Variants in CENATAC observed in about 807,000 individuals in gnomAD.
CENATAC encodes the protein centrosomal AT-AC splicing factor.
Under a neutral mutation model 53.7 loss-of-function variants are expected in CENATAC, and 53 were observed. That is an observed-to-expected ratio of 0.99 (90% CI 0.79 to 1.24). CENATAC has a LOEUF of 1.24. CENATAC is among the 50% of genes most tolerant of loss of function. The pLI is 0.00. For synonymous variants in CENATAC, 156 were observed against 144.6 expected, an observed-to-expected ratio of 1.08 and a Z score of -0.57; for missense variants, 474 against 417.8, an observed-to-expected ratio of 1.13 and a Z score of -1.17.
chr11:119,005,466 CA>C (rs570460310), intron 3 of CENATAC, among the ~76,000 whole-genome samples: 3,957 of 134,402 alleles, frequency 0.029, 158 homozygotes, highest in African/African-American at 0.096. Context: ...GACCCCGTCT[CA>C]AAAAAAAAAA....
rs550148697 is a variant in CENATAC at position 119,002,754 on chromosome 11, T to TA, written c.383+3645_383+3646insA. On this transcript the variant is annotated intron_variant, in intron 3 of 10. Transcript: ENST00000334418. ...GGCATAAGAAGTAAGATTTCTCCCA[T>TA]GCGAAATTTTGTATTCAGAATCCAA... Among the ~76,000 whole-genome samples the TA allele has an allele frequency of 1.6e-3, 248 of 151,484 alleles. 1 individual carries two copies. The highest frequency in any genetic ancestry group is 5.7e-3 in the African/African-American group (234 of 41,312).
chr11:119,002,553 G>T (rs1942359021), intron 3 of CENATAC, among the ~76,000 whole-genome samples: 1 of 151,860 alleles, frequency 6.6e-6, no homozygotes, highest in South Asian at 2.1e-4. Flanking sequence ...GGCCAGGCTG[G>T]TCTTGAACTC....
At chr11:119,013,462 ATTTTT>A (rs34471457) in intron 8 of CENATAC, among the ~76,000 whole-genome samples, 200 bp downstream of exon 8, 2 of 126,642 alleles carry the variant, frequency 1.6e-5, no homozygotes, top group African/African-American at 6.1e-5. Context: ...CACCCAGCTA[ATTTTT>A]TTTTTTTTTT....
chr11:118,998,441 C>T lies in CENATAC; in HGVS notation c.132C>T (p.Ala44=), dbSNP rs34451365. The T allele has an allele frequency of 1.9e-6, 3 of 1,612,104 alleles. No individual in the cohort carries two copies. The highest frequency in any genetic ancestry group is 2.7e-5 in the African/African-American group (2 of 74,932). The part of the protein sequence containing the change: ...LERLLPQVEA[A]RKAIRAAQVE... The stretch of plus-strand genomic sequence containing the variant: ...CCTCTCTGCGGCAGGTGGAGGCGGC[C>T]CGCAAGGCCATCCGCGCCGCTCAGG... The change falls in exon 2 of 11, where the codon GCC becomes GCT. Residue 44 remains alanine (A), a synonymous_variant. Coordinates refer to ENST00000334418, the MANE Select transcript of CENATAC (RefSeq NM_198489.3).
In CENATAC at chr11:119,011,224, G is replaced by A. The variant is rs781932545; in HGVS notation, c.454G>A (p.Ala152Thr). The change falls in exon 5 of 11, where the codon GCA becomes ACA. Residue 152 changes from alanine (A) to threonine (T), a missense_variant. Coordinates refer to ENST00000334418, the MANE Select transcript of CENATAC (RefSeq NM_198489.3). ...CTAAGCAGCCTCTCTCCCACAGATG[G>A]CAGCTCAGATCCGTGAGGTGGAGCA... Reference protein sequence around the residue: ...EKEDKVIKEMAAQIREVEQSR... With the variant: ...EKEDKVIKEMTAQIREVEQSR... 6 of 1,613,848 alleles carry A rather than the reference G, an allele frequency of 3.7e-6. No homozygotes were observed. The African/African-American group carries it at 6.7e-5, about 18-fold the overall frequency.
At chr11:119,002,147 C>G (rs1224175264) in intron 3 of CENATAC, among the ~76,000 whole-genome samples, 2 of 149,404 alleles carry the variant, frequency 1.3e-5, no homozygotes, top group Non-Finnish European at 3.0e-5. Flanking sequence ...TCGCTTGAGC[C>G]CAGGAGGCAG....
At chr11:119,001,011 G>GT (rs1437709141) in intron 3 of CENATAC, among the ~76,000 whole-genome samples, 1 of 152,058 alleles carries the variant, frequency 6.6e-6, no homozygotes. Context: ...GCTTTTTCTT[G>GT]TAATGTCATG....
chr11:119,013,675 G>A (rs1404908112), intron 8 of CENATAC, among the ~76,000 whole-genome samples: 1 of 151,862 alleles, frequency 6.6e-6, no homozygotes, highest in Non-Finnish European at 1.5e-5. Context: ...GTTTTAGCCG[G>A]GATGGTCTCG....
Position 119,015,673 on chromosome 11 carries a change from TTA to T in CENATAC, c.*77_*78del, listed in dbSNP as rs1943134181. ...CCTATTATACCTTCCACCAAATTCTTTATCATTGTCTTTCTTAGGAAACAGAC... is the reference window on the plus strand; with the variant it reads ...CCTATTATACCTTCCACCAAATTCTTTCATTGTCTTTCTTAGGAAACAGAC... On this transcript the variant is annotated 3_prime_UTR_variant, in exon 11 of 11. Transcript: ENST00000334418. 2.2e-5 allele frequency: 32 copies of T among 1,465,572 alleles called. No individual in the cohort carries two copies. The allele number at this position is 1,465,572 out of a possible 1,614,324, so 90.8% of individuals were successfully genotyped here.
chr11:118,999,796 C>G (rs1174626577), intron 3 of CENATAC, among the ~76,000 whole-genome samples: 1 of 152,238 alleles, frequency 6.6e-6, no homozygotes, highest in African/African-American at 2.4e-5. Flanking sequence ...GCGCCTGCCA[C>G]CACGCCCGGC....
At chr11:119,008,473 G>A (rs1381491574) in intron 3 of CENATAC, among the ~76,000 whole-genome samples, 2 of 152,226 alleles carry the variant, frequency 1.3e-5, no homozygotes, top group Non-Finnish European at 2.9e-5. Context: ...TCTCAGTGGA[G>A]TAAAGACTAC....
chr11:119,011,069 C>T (rs1299759561), intron 4 of CENATAC, 152 bp from the exon 5 acceptor site: 6 of 676,028 alleles, frequency 8.9e-6, no homozygotes, highest in Admixed American at 5.5e-5. Context: ...GACAGGAGCT[C>T]AGGCGGCAGT....
Position 118,998,513 on chromosome 11 carries a change from C to A in CENATAC, c.204C>A (p.Cys68Ter). Residue 68 changes from cysteine to a stop codon, truncating the protein, a stop_gained, in exon 2 of 11, where the codon TGC becomes TGA. Transcript: ENST00000334418. LOFTEE classifies it high-confidence loss of function. ...ACGAGCGATGCTGCTGGTGCCTGTGCTGCGGCTGTGAGGTGCGGGAACACC... is the reference window on the plus strand; with the variant it reads ...ACGAGCGATGCTGCTGGTGCCTGTGATGCGGCTGTGAGGTGCGGGAACACC... ...PEHERCCWCLCCGCEVREHLS... is the reference protein window; with the variant it reads ...PEHERCCWCL The A allele has an allele frequency of 6.2e-7, 1 of 1,611,114 alleles. No individual in the cohort carries two copies. Among genetic ancestry groups the A allele is most frequent in the Non-Finnish European group, 8.5e-7 (1 of 1,178,762 alleles).
intron 2 of CENATAC, 110 bp downstream of exon 2, chr11:118,998,703 GA>G: frequency 7.4e-7 from 1 of 1,349,958 alleles, no homozygotes; most frequent in Non-Finnish European, 1.0e-6. Context: ...AAGAAGGATG[GA>G]TTGAGTCACT....
intron 3 of CENATAC, chr11:119,003,472 A>T (rs1430758775): frequency 2.2e-6 from 1 of 445,078 alleles, no homozygotes; most frequent in African/African-American, 2.1e-5. Flanking sequence ...TGATTTTTGT[A>T]TTTTTCGTAG....
chr11:119,002,539 T>C (rs1226387762), intron 3 of CENATAC, among the ~76,000 whole-genome samples: 3 of 152,010 alleles, frequency 2.0e-5, no homozygotes, highest in Non-Finnish European at 2.9e-5. Flanking sequence ...GGTTTCACCA[T>C]GTTGGCCAGG....
In CENATAC at chr11:119,011,938, G is replaced by C. The variant is rs1294906522; in HGVS notation, c.514-1G>C. Reference sequence around the variant, plus strand: ...ATTTATTTTTCCTGAATCAAACTCAGCCTCAGGCAGTGCCAGACCCAGAAG... The same window carrying C: ...ATTTATTTTTCCTGAATCAAACTCACCCTCAGGCAGTGCCAGACCCAGAAG... On this transcript the variant is annotated splice_acceptor_variant, in intron 5 of 10. Coordinates refer to ENST00000334418, the MANE Select transcript of CENATAC (RefSeq NM_198489.3). LOFTEE classifies it high-confidence loss of function. 2 of 1,613,882 alleles carry C rather than the reference G, an allele frequency of 1.2e-6. No homozygotes were observed. Among genetic ancestry groups the C allele is most frequent in the Non-Finnish European group, 1.7e-6 (2 of 1,179,970 alleles).
At chr11:119,000,260 T>C (rs1435070752) in intron 3 of CENATAC, among the ~76,000 whole-genome samples, 1 of 152,204 alleles carries the variant, frequency 6.6e-6, no homozygotes, top group Admixed American at 6.5e-5. Flanking sequence ...TAAGTTGTCA[T>C]GTAATGATTT....
In CENATAC at chr11:119,015,551, A is replaced by G; in HGVS notation, c.952A>G (p.Thr318Ala). ...RRWQSRHQFK[T>A]EAAAMKKQSH... Reference sequence around the variant, plus strand: ...ATTTCCTTTCAGACATCAATTCAAAACTGAAGCTGCAGCAATGAAGAAGCA... The same window carrying G: ...ATTTCCTTTCAGACATCAATTCAAAGCTGAAGCTGCAGCAATGAAGAAGCA... Residue 318 changes from threonine to alanine, a missense_variant, in exon 11 of 11, where the codon ACT becomes GCT. By Grantham distance (58) the Thr-to-Ala change is moderately conservative. Coordinates refer to ENST00000334418, the MANE Select transcript of CENATAC (RefSeq NM_198489.3). The G allele has an allele frequency of 6.2e-7, 1 of 1,614,120 alleles. No homozygotes were observed. The highest frequency in any genetic ancestry group is 1.1e-5 in the South Asian group (1 of 91,076).
Sources: gnomAD v4.1 joint callset for allele counts (sites outside exome capture counted in the v4.1 genomes callset) on GRCh38, gnomAD v4.1.1 for gene constraint, MANE v1.5 for transcripts, NCBI Gene and HGNC (gene_info 2026-07-23, HGNC 2026-07-21) for gene names.